Variants in OSBPL11 observed in about 807,000 individuals in gnomAD.
The protein encoded by OSBPL11 is oxysterol-binding protein-related protein 11.
Under a neutral mutation model 84.4 loss-of-function variants are expected in OSBPL11, and 33 were observed. The observed-to-expected ratio is 0.39, with a 90% CI of 0.30 to 0.52. The LOEUF is 0.52. Ranked by LOEUF, OSBPL11 falls within the 20% of genes least tolerant of loss-of-function variation. The probability of loss-of-function intolerance (pLI) is 0.72; values close to 1 mark genes in which losing one functional copy is unlikely to be tolerated. For synonymous variants in OSBPL11, 276 were observed against 310.2 expected (o/e 0.89, Z 1.16); for missense variants, 736 against 901.1 (o/e 0.82, Z 2.35).
intron 5 of OSBPL11, among the ~76,000 whole-genome samples, chr3:125,571,986 G>A (rs79407363): frequency 8.5e-5 from 13 of 152,230 alleles, no homozygotes; most frequent in South Asian, 2.1e-4. Context: ...TGCAAAAGCC[G>A]CAGACACTCA....
intron 7 of OSBPL11, among the ~76,000 whole-genome samples, chr3:125,563,320 T>A (rs1220319290): frequency 6.6e-6 from 1 of 152,144 alleles, no homozygotes; most frequent in Non-Finnish European, 1.5e-5. Context: ...AAGACTCAAC[T>A]TTTAAGATTA....
chr3:125,537,370 T>C (rs896021910), intron 11 of OSBPL11, among the ~76,000 whole-genome samples: 1 of 152,078 alleles, frequency 6.6e-6, no homozygotes. Flanking sequence ...TTTTGCACCA[T>C]CATAAGAGCC....
chr3:125,579,084 A>C, intron 3 of OSBPL11, 45 bp from the exon 4 acceptor site: 2 of 1,342,378 alleles, frequency 1.5e-6, no homozygotes, highest in Non-Finnish European at 2.1e-6. Flanking sequence ...TTTATTCTGG[A>C]ACACAATTAA....
At chr3:125,593,581 C>T (rs1015506414) in intron 1 of OSBPL11, among the ~76,000 whole-genome samples, 1 of 151,384 alleles carries the variant, frequency 6.6e-6, no homozygotes, top group African/African-American at 2.4e-5. Context: ...GATCGCGCCA[C>T]CACACTCCAG....
At chr3:125,584,738 T>C (rs1451365066) in intron 1 of OSBPL11, among the ~76,000 whole-genome samples, 2 of 152,210 alleles carry the variant, frequency 1.3e-5, no homozygotes, top group African/African-American at 2.4e-5. Context: ...TACTTACCTA[T>C]ACCTGAGAAA....
intron 1 of OSBPL11, among the ~76,000 whole-genome samples, chr3:125,593,614 T>A (rs2107616074): frequency 6.7e-6 from 1 of 149,688 alleles, no homozygotes; most frequent in African/African-American, 2.5e-5. Flanking sequence ...AGCCAGACTC[T>A]GCCTCAAAAA....
chr3:125,552,310 C>A lies in OSBPL11; in HGVS notation c.1525G>T (p.Val509Phe), dbSNP rs1308562767. ...CCTGAGACTGGAGGATGATGAGAAA[C>A]CTGCTCAGCAACAAATCTGACTGTG... ...CYTVRFVAEQ[V>F]SHHPPVSGFY... The change falls in exon 9 of 13, where the codon GTT (valine) becomes TTT (phenylalanine). Residue 509 changes from valine to phenylalanine, a missense_variant. Coordinates refer to ENST00000296220, the MANE Select transcript of OSBPL11 (RefSeq NM_022776.5). The A allele has an allele frequency of 6.2e-7, 1 of 1,613,962 alleles. No homozygotes were observed. Among genetic ancestry groups the A allele is most frequent in the Non-Finnish European group, 8.5e-7 (1 of 1,180,034 alleles).
chr3:125,555,359 A>C (rs1439356143), intron 8 of OSBPL11, among the ~76,000 whole-genome samples: 2 of 152,130 alleles, frequency 1.3e-5, no homozygotes, highest in African/African-American at 4.8e-5. Flanking sequence ...TGACTGTATG[A>C]GTCAATATTC....
chr3:125,594,866 C>CTT lies in OSBPL11; in HGVS notation c.-68_-67dup. On this transcript the variant is annotated 5_prime_UTR_variant, in exon 1 of 13. Transcript: ENST00000296220. ...AACAATTCTGTAGTTCTGTAGGTGA[C>CTT]TTTTTTTTTTTAAGATTTGATCTGA... The CTT allele has an allele frequency of 4.0e-5, 49 of 1,222,176 alleles. No homozygotes were observed. Among genetic ancestry groups the CTT allele is most frequent in the South Asian group, 4.9e-5 (3 of 60,656 alleles). 75.7% of individuals were successfully genotyped at this position (1,222,176 alleles called of 1,614,324 possible). A position where few individuals can be genotyped will look rare whatever the true frequency, so the allele number is the denominator to read the frequency against.
intron 1 of OSBPL11, among the ~76,000 whole-genome samples, chr3:125,591,500 A>C (rs1406249692): frequency 6.7e-6 from 1 of 149,454 alleles, no homozygotes; most frequent in Non-Finnish European, 1.5e-5. Context: ...CAGTGAACAA[A>C]GGAGGTCTCT....
chr3:125,593,425 GC>G (rs1288734890), intron 1 of OSBPL11, among the ~76,000 whole-genome samples: 1 of 152,058 alleles, frequency 6.6e-6, no homozygotes, highest in Non-Finnish European at 1.5e-5. Context: ...TTCGAGACCA[GC>G]CTGGCCAACA....
chr3:125,595,032 T>G lies in OSBPL11; in HGVS notation c.-232A>C, dbSNP rs986646992. On this transcript the variant is annotated 5_prime_UTR_variant, in exon 1 of 13. Transcript: ENST00000296220. The stretch of plus-strand genomic sequence containing the variant: ...CGAGGACAGATATCCTTCACATGTA[T>G]CTCTCTCCTTTCCGGCAAAAGCAAG... The G allele has an allele frequency of 2.2e-5, 10 of 453,524 alleles. No homozygotes were observed. The Admixed American group carries it at 3.6e-4, about 16-fold the overall frequency. 28.1% of individuals were successfully genotyped at this position (453,524 alleles called of 1,614,324 possible).
chr3:125,570,144 G>A (rs938361734), intron 5 of OSBPL11, among the ~76,000 whole-genome samples: 1 of 152,020 alleles, frequency 6.6e-6, no homozygotes, highest in African/African-American at 2.4e-5. Context: ...TCTTTGTGTA[G>A]AAGGCCCAAA....
intron 1 of OSBPL11, among the ~76,000 whole-genome samples, chr3:125,588,852 C>T (rs889430297): frequency 5.3e-5 from 8 of 152,276 alleles, no homozygotes; most frequent in South Asian, 2.1e-4. Context: ...CAGTAACCTG[C>T]CCACCTCCTC....
intron 1 of OSBPL11, among the ~76,000 whole-genome samples, chr3:125,590,677 C>T (rs553092881): frequency 5.3e-5 from 8 of 151,996 alleles, no homozygotes; most frequent in African/African-American, 7.2e-5. Flanking sequence ...TTCATTCTTT[C>T]GTTGTTTTGG....
intron 11 of OSBPL11, among the ~76,000 whole-genome samples, chr3:125,534,951 GAAAAAAAAAAAA>G (rs56164804): frequency 1.5e-5 from 1 of 64,640 alleles, no homozygotes; most frequent in Non-Finnish European, 2.7e-5. Context: ...TAAGAAATTA[GAAAAAAAAAAAA>G]AAAAAAAAAA....
Position 125,540,177 on chromosome 3 carries a change from A to T in OSBPL11, c.1842-1544T>A, listed in dbSNP as rs148982179. On this transcript the variant is annotated intron_variant, in intron 10 of 12. Coordinates refer to ENST00000296220, the MANE Select transcript of OSBPL11 (RefSeq NM_022776.5). ...TAATTTTACCTACTAAAAATACAAA[A>T]AATTAGCTGGGCGTAGTGGCACAGG... Among the ~76,000 whole-genome samples the T allele has an allele frequency of 5.6e-4, 85 of 152,176 alleles. 2 individuals carry two copies. The Middle Eastern group carries it at 0.02, about 37-fold the overall frequency.
intron 1 of OSBPL11, among the ~76,000 whole-genome samples, chr3:125,584,030 C>A (rs1225383762): frequency 6.6e-6 from 1 of 152,116 alleles, no homozygotes; most frequent in Non-Finnish European, 1.5e-5. Context: ...AAGAGCTCCT[C>A]CTCTGTTTTA....
rs368998096 is a variant in OSBPL11, at chr3:125,587,916, G to A, written c.165-4938C>T. ...ATCGTGCCATTGCACTCCAGCCTGG[G>A]AAACAGAGCAAGACTCTGTCTCAGG... On this transcript the variant is annotated intron_variant, in intron 1 of 12. Coordinates refer to ENST00000296220, the MANE Select transcript of OSBPL11 (RefSeq NM_022776.5). 1.2e-4 allele frequency among the ~76,000 whole-genome samples: 19 copies of A among 152,252 alleles called. No homozygotes were observed. The South Asian group carries it at 2.1e-3, about 17-fold the overall frequency.
Sources: gnomAD v4.1 joint callset for allele counts (sites outside exome capture counted in the v4.1 genomes callset) on GRCh38, gnomAD v4.1.1 for gene constraint, MANE v1.5 for transcripts, NCBI Gene and HGNC (gene_info 2026-07-23, HGNC 2026-07-21) for gene names.